Variants in RGS7BP observed in about 807,000 individuals in gnomAD.
RGS7BP encodes the protein regulator of G protein signaling 7-binding protein.
In RGS7BP, 9 loss-of-function variants were observed where a neutral mutation model predicts 31.3. The observed-to-expected ratio is 0.29, with a 90% CI of 0.17 to 0.50. RGS7BP has a LOEUF of 0.50. Among genes scored for constraint, RGS7BP ranks in the 20% least tolerant of loss-of-function variants. The pLI is 0.98. For synonymous variants in RGS7BP, 115 were observed against 120.1 expected, an observed-to-expected ratio of 0.96 and a Z score of 0.28; for missense variants, 274 against 322.0, an observed-to-expected ratio of 0.85 and a Z score of 1.14.
At chr5:64,548,408 A>G (rs1741710791) in intron 2 of RGS7BP, among the ~76,000 whole-genome samples, 1 of 152,236 alleles carries the variant, frequency 6.6e-6, no homozygotes, top group Non-Finnish European at 1.5e-5. Context: ...ACGTTTGCCT[A>G]TATAATAATT....
intron 2 of RGS7BP, among the ~76,000 whole-genome samples, chr5:64,560,155 C>T (rs950228235): frequency 6.6e-6 from 1 of 152,108 alleles, no homozygotes; most frequent in African/African-American, 2.4e-5. Context: ...AAACTTTAAC[C>T]TTATGGTACT....
intron 2 of RGS7BP, among the ~76,000 whole-genome samples, chr5:64,517,950 A>C (rs965139099): frequency 2.0e-5 from 3 of 152,172 alleles, no homozygotes; most frequent in African/African-American, 7.2e-5. Context: ...CCAAAGAAAA[A>C]ATTTCATCAA....
At chr5:64,588,376 C>T (rs755973979) in intron 3 of RGS7BP, among the ~76,000 whole-genome samples, 1 of 152,138 alleles carries the variant, frequency 6.6e-6, no homozygotes, top group Non-Finnish European at 1.5e-5. Flanking sequence ...AGGCATACTT[C>T]CTATTCAGTA....
At chr5:64,567,285 C>T (rs1441863224) in intron 2 of RGS7BP, among the ~76,000 whole-genome samples, 2 of 152,026 alleles carry the variant, frequency 1.3e-5, no homozygotes, top group Non-Finnish European at 2.9e-5. Context: ...GAAGAGGAGT[C>T]CGTTTGGAAC....
chr5:64,549,173 A>T (rs1323688751), intron 2 of RGS7BP, among the ~76,000 whole-genome samples: 1 of 152,210 alleles, frequency 6.6e-6, no homozygotes, highest in East Asian at 1.9e-4. Context: ...ATTCCTCGCC[A>T]GCTATATATC....
intron 2 of RGS7BP, among the ~76,000 whole-genome samples, chr5:64,547,998 G>T (rs1741701351): frequency 6.6e-6 from 1 of 152,018 alleles, no homozygotes; most frequent in South Asian, 2.1e-4. Flanking sequence ...TTTCCTCTTT[G>T]ATGAAGTTTC....
chr5:64,511,668 T>C (rs1264513613), intron 2 of RGS7BP, among the ~76,000 whole-genome samples: 1 of 152,182 alleles, frequency 6.6e-6, no homozygotes, highest in African/African-American at 2.4e-5. Flanking sequence ...TAGGGCTCCA[T>C]GGCACTTTAT....
intron 2 of RGS7BP, among the ~76,000 whole-genome samples, chr5:64,559,318 T>C (rs1014665429): frequency 1.2e-4 from 19 of 152,294 alleles, no homozygotes; most frequent in East Asian, 9.7e-4. Context: ...TGTTGAAATA[T>C]TGGGGACTGG....
intron 3 of RGS7BP, among the ~76,000 whole-genome samples, chr5:64,593,933 C>G (rs1742990486): frequency 6.6e-6 from 1 of 152,140 alleles, no homozygotes; most frequent in African/African-American, 2.4e-5. Context: ...GTGCCTAGGC[C>G]ATACGACATA....
intron 2 of RGS7BP, among the ~76,000 whole-genome samples, chr5:64,535,250 A>G (rs1749477230): frequency 6.6e-6 from 1 of 152,198 alleles, no homozygotes; most frequent in South Asian, 2.1e-4. Context: ...ACATGTACTT[A>G]TTCCCTATCC....
At position 64,506,055 on chromosome 5, in the gene RGS7BP, G is replaced by A. The variant is rs1416104186; in HGVS notation, c.-570G>A. Among the ~76,000 whole-genome samples, 3 of 152,110 alleles carry A rather than the reference G, an allele frequency of 2.0e-5. No individual in the cohort carries two copies. Among genetic ancestry groups the A allele is most frequent in the South Asian group, 4.1e-4 (2 of 4,826 alleles). ...TCATCTGGGATCTTCAAACAGACAA[G>A]CCCTTAGAGACGAGGGATCAAGGCA... On this transcript the variant is annotated 5_prime_UTR_variant, in exon 1 of 6. Transcript: ENST00000334025. This position sits in a 1 kb window ranked among gnomAD's most constrained non-coding sequence, Gnocchi z 4.6.
intron 2 of RGS7BP, among the ~76,000 whole-genome samples, chr5:64,564,109 A>G (rs189344608): frequency 6.6e-6 from 1 of 152,276 alleles, no homozygotes; most frequent in East Asian, 1.9e-4. Flanking sequence ...CCAAGATTGA[A>G]GTGGTTATTT....
chr5:64,602,715 G>GACAC (rs372239684), intron 5 of RGS7BP, among the ~76,000 whole-genome samples: 4 of 151,752 alleles, frequency 2.6e-5, no homozygotes, highest in Non-Finnish European at 5.9e-5. Flanking sequence ...TACATATGCA[G>GACAC]ACACACACAC....
rs1260387955 is a variant in RGS7BP, at chr5:64,606,035, T to TAG, written c.683-3125_683-3124insGA. ...ATATCTGGATACATATATATATATATATATAGAGAGAGAGAGAGAGAGAGA... is the reference window on the plus strand; with the variant it reads ...ATATCTGGATACATATATATATATATAGATATAGAGAGAGAGAGAGAGAGAGA... On this transcript the variant is annotated intron_variant, in intron 5 of 5. Transcript: ENST00000334025. Among the ~76,000 whole-genome samples the TAG allele has an allele frequency of 1.6e-3, 196 of 122,030 alleles. 5 individuals are homozygous for TAG. The highest frequency in any genetic ancestry group is 5.4e-3 in the African/African-American group (187 of 34,542). 80.1% of individuals were successfully genotyped at this position (122,030 alleles called of 152,430 possible).
At chr5:64,513,929 A>G (rs1748906520) in intron 2 of RGS7BP, among the ~76,000 whole-genome samples, 1 of 152,270 alleles carries the variant, frequency 6.6e-6, no homozygotes, top group South Asian at 2.1e-4. Flanking sequence ...ACAAAGTGCC[A>G]CAAACGGAGT....
chr5:64,513,984 G>T (rs923526964), intron 2 of RGS7BP, among the ~76,000 whole-genome samples: 1 of 152,206 alleles, frequency 6.6e-6, no homozygotes, highest in Non-Finnish European at 1.5e-5. Context: ...CTGGAGGCTG[G>T]AAATCTAAGG....
chr5:64,565,975 T>C (rs1561336831), intron 2 of RGS7BP, among the ~76,000 whole-genome samples: 2 of 152,070 alleles, frequency 1.3e-5, no homozygotes, highest in Non-Finnish European at 2.9e-5. Flanking sequence ...CACTCCAGGA[T>C]CCAATTAGAT....
chr5:64,609,217 A>G lies in RGS7BP; in HGVS notation c.739A>G (p.Arg247Gly). The G allele has an allele frequency of 6.2e-7, 1 of 1,611,314 alleles. No homozygotes were observed. Among genetic ancestry groups the G allele is most frequent in the Non-Finnish European group, 8.5e-7 (1 of 1,177,792 alleles). The change falls in exon 6 of 6, where the codon AGG becomes GGG. Residue 247 changes from arginine (R) to glycine (G), a missense_variant. By Grantham distance (125) the Arg-to-Gly change is moderately radical. Around this residue, in one of 3 missense-constraint regions of RGS7BP, gnomAD observed 112 missense variants for 130.9 expected, o/e 0.86. Transcript: ENST00000334025. Reference protein sequence around the residue: ...PYPLVRRRKRRFFGLCCLISS With the variant: ...PYPLVRRRKRGFFGLCCLISS The stretch of plus-strand genomic sequence containing the variant: ...CCCCCTGGTGAGAAGACGGAAGAGA[A>G]GGTTCTTTGGGCTGTGTTGTCTCAT...
chr5:64,609,237 T>G lies in RGS7BP; in HGVS notation c.759T>G (p.Cys253Trp). The stretch of plus-strand genomic sequence containing the variant: ...AGAGAAGGTTCTTTGGGCTGTGTTG[T>G]CTCATCTCAAGCTAGGTGGCTCCTC... ...RRKRRFFGLC[C>W]LISS The change falls in exon 6 of 6, where the codon TGT becomes TGG. Residue 253 changes from cysteine to tryptophan, a missense_variant. Physicochemically the swap from Cys to Trp is radical, Grantham distance 215 (BLOSUM62 -2). Transcript: ENST00000334025. 1 of 1,606,798 alleles carries G rather than the reference T, an allele frequency of 6.2e-7. No individual in the cohort carries two copies. The highest frequency in any genetic ancestry group is 8.5e-7 in the Non-Finnish European group (1 of 1,173,768).
Sources: allele counts gnomAD v4.1 joint callset (sites outside exome capture counted in the v4.1 genomes callset), GRCh38; gene constraint gnomAD v4.1.1; regional missense constraint gnomAD v4.1.1; non-coding constraint Gnocchi (gnomAD v3.1); transcripts MANE v1.5; gene names NCBI Gene and HGNC (gene_info 2026-07-23, HGNC 2026-07-21).